ANPEP: variants seen among roughly 807,000 people sequenced by gnomAD.
The protein encoded by ANPEP is alanyl aminopeptidase, membrane.
In ANPEP, 70 loss-of-function variants were observed where a neutral mutation model predicts 114.6. The observed-to-expected ratio is 0.61, with a 90% CI of 0.50 to 0.75. The LOEUF is 0.75. Among genes scored for constraint, ANPEP ranks in the 30% least tolerant of loss-of-function variants. The pLI, the probability that ANPEP is intolerant of heterozygous loss-of-function variation, is 0.00. For synonymous variants in ANPEP, 548 were observed against 522.3 expected (o/e 1.05, Z -0.67); for missense variants, 1,184 against 1,259.5 (o/e 0.94, Z 0.91).
Position 89,805,087 on chromosome 15 carries a change from A to G in ANPEP, c.888T>C (p.Asn296=), listed in dbSNP as rs1894680471. Residue 296 remains asparagine, a synonymous_variant, in exon 4 of 21, where the codon AAT becomes AAC. Transcript: ENST00000300060. The part of the protein sequence containing the change: ...EFDYVEKQAS[N]GVLIRIWARP... ...GGGCCCAGCCTCATACCAAGACACC[A>G]TTGGATGCCTGCTTCTCCACGTAGT... 1 of 1,614,086 alleles carries G rather than the reference A, an allele frequency of 6.2e-7. No homozygotes were observed. The highest frequency in any genetic ancestry group is 1.3e-5 in the African/African-American group (1 of 74,950).
At chr15:89,804,960 A>G (rs946172562) in intron 4 of ANPEP, 118 bp downstream of exon 4, 10 of 1,394,784 alleles carry the variant, frequency 7.2e-6, no homozygotes, top group African/African-American at 1.4e-5. Flanking sequence ...AATCACTCAG[A>G]GGTGGGATTC....
intron 15 of ANPEP, among the ~76,000 whole-genome samples, chr15:89,795,025 T>C (rs1968702388): frequency 6.7e-6 from 1 of 148,600 alleles, no homozygotes; most frequent in Non-Finnish European, 1.5e-5. Context: ...CCCAAAGGGG[T>C]GGCTCAGCCT....
intron 15 of ANPEP, among the ~76,000 whole-genome samples, chr15:89,794,398 C>A (rs11857171): frequency 0.033 from 5,001 of 152,080 alleles, 269 homozygotes; most frequent in African/African-American, 0.11. Context: ...GCAGGAGAAT[C>A]GCTTGAATCT....
Position 89,804,510 on chromosome 15 carries a change from G to C in ANPEP, c.1005C>G (p.Pro335=). 1 of 1,614,240 alleles carries C rather than the reference G, an allele frequency of 6.2e-7. No individual in the cohort carries two copies. The highest frequency in any genetic ancestry group is 1.3e-5 in the African/African-American group (1 of 75,064). Residue 335 remains proline (P), a synonymous_variant, in exon 5 of 21, where the codon CCC becomes CCG. Coordinates refer to ENST00000300060, the MANE Select transcript of ANPEP (RefSeq NM_001150.3). ...LNFFAGHYDT[P]YPLPKSDQIG... is the part of the protein sequence containing the mutation. ...ACTCACCTGATTTTGGGAGTGGGTA[G>C]GGTGTGTCATAATGACCAGCAAAGA... is the stretch of plus-strand genomic sequence containing the variant.
intron 1 of ANPEP, among the ~76,000 whole-genome samples, chr15:89,808,065 T>C (rs1894753635): frequency 6.6e-6 from 1 of 152,116 alleles, no homozygotes. Flanking sequence ...AAAACCTTCC[T>C]TTTGCTTGTA....
intron 5 of ANPEP, 39 bp downstream of exon 5, chr15:89,804,452 C>G (rs773909840): frequency 6.2e-7 from 1 of 1,614,026 alleles, no homozygotes; most frequent in African/African-American, 1.3e-5. Flanking sequence ...GGGAGTGGAG[C>G]TCCATCCACT....
rs564546671 is a variant in ANPEP at position 89,790,612 on chromosome 15, G to A, written c.2670-71C>T. On this transcript the variant is annotated intron_variant, in intron 19 of 20. Transcript: ENST00000300060. ...AGGAGGCTCATCCTCACACCTACTG[G>A]GTAGGGAGCCATGATTATAGAGGAG... 1.7e-5 allele frequency: 23 copies of A among 1,353,284 alleles called. No individual in the cohort carries two copies. The African/African-American group carries it at 3.3e-4, about 19-fold the overall frequency. 83.8% of individuals were successfully genotyped at this position (1,353,284 alleles called of 1,614,324 possible).
chr15:89,792,327 C>G lies in ANPEP; in HGVS notation c.2361G>C (p.Pro787=), dbSNP rs763661673. The G allele has an allele frequency of 1.9e-6, 3 of 1,613,938 alleles. No individual in the cohort carries two copies. The highest frequency in any genetic ancestry group is 1.7e-6 in the Non-Finnish European group (2 of 1,179,956). ...CGGTGGACCGCAGGTTGGGGTGGAT[C>G]CTGGTGTGGGGTAGGGAGGTCAGGT... ...KQWMENPNNN[P]IHPNLRSTVY... is the part of the protein sequence containing the mutation. Residue 787 remains proline (P), a splice_region_variant and synonymous_variant, in exon 18 of 21, where the codon CCG becomes CCC. Transcript: ENST00000300060.
intron 15 of ANPEP, among the ~76,000 whole-genome samples, chr15:89,794,480 T>C (rs941841160): frequency 6.6e-6 from 1 of 151,336 alleles, no homozygotes; most frequent in Non-Finnish European, 1.5e-5. Context: ...TGGGATTCTG[T>C]CTCAAAAATA....
rs1894684607 is a variant in ANPEP at position 89,805,222 on chromosome 15, G to A, written c.758-5C>T. 1 of 1,614,214 alleles carries A rather than the reference G, an allele frequency of 6.2e-7. No individual in the cohort carries two copies. The highest frequency in any genetic ancestry group is 8.5e-7 in the Non-Finnish European group (1 of 1,180,036). The stretch of plus-strand genomic sequence containing the variant: ...CTGGAAGTGGGGTGCTGGGACCTGG[G>A]CAGGGAGCATGTGTGTGTGAGGACG... On this transcript the variant is annotated splice_region_variant and splice_polypyrimidine_tract_variant and intron_variant, in intron 3 of 20. Transcript: ENST00000300060.
rs1567159976 is a variant in ANPEP at position 89,803,168 on chromosome 15, G to GCTGC, written c.1569+67_1569+70dup. ...GCTGGACCCATTCTCTTACGCATGT[G>GCTGC]CTGCCCCCAGGTACCTTCAGCATCT... On this transcript the variant is annotated intron_variant, in intron 10 of 20. Coordinates refer to ENST00000300060, the MANE Select transcript of ANPEP (RefSeq NM_001150.3). This position sits in a 1 kb window ranked among gnomAD's most constrained non-coding sequence, Gnocchi z 4.2. The GCTGC allele has an allele frequency of 6.6e-7, 1 of 1,526,322 alleles. No individual in the cohort carries two copies. The highest frequency in any genetic ancestry group is 1.4e-5 in the African/African-American group (1 of 72,924). The allele number at this position is 1,526,322 out of a possible 1,614,324, so 94.5% of individuals were successfully genotyped here. A position where few individuals can be genotyped will look rare whatever the true frequency, so the allele number is the denominator to read the frequency against.
intron 14 of ANPEP, among the ~76,000 whole-genome samples, chr15:89,797,957 T>C (rs1420661947): frequency 1.3e-5 from 2 of 152,226 alleles, no homozygotes; most frequent in African/African-American, 2.4e-5. Context: ...CCATTGGCAG[T>C]TCCACTCCTT....
chr15:89,802,220 G>T (rs1196420410), intron 10 of ANPEP, among the ~76,000 whole-genome samples: 2 of 152,160 alleles, frequency 1.3e-5, no homozygotes, highest in African/African-American at 2.4e-5. Context: ...CCAGCTGGGG[G>T]CTGCCGGCCG....
chr15:89,800,556 C>CTTTTTTTTT (rs759889538), intron 12 of ANPEP, among the ~76,000 whole-genome samples: 9 of 124,364 alleles, frequency 7.2e-5, no homozygotes, highest in African/African-American at 1.3e-4. Flanking sequence ...GGATTCTCTC[C>CTTTTTTTTT]TTTTTTTTTT....
chr15:89,803,678 CTGATCTGGGCCGGCGTGT>C lies in ANPEP; in HGVS notation c.1388_1405del (p.Asn463_Ile468del). 1 of 1,613,100 alleles carries C rather than the reference CTGATCTGGGCCGGCGTGT, an allele frequency of 6.2e-7. No homozygotes were observed. ...GTAGGAGATGGCGTCAAACAGCTCACTGATCTGGGCCGGCGTGTTGATCTCCGAGGCGGGTGTGGACAG... is the reference window on the plus strand; with the variant it reads ...GTAGGAGATGGCGTCAAACAGCTCACTGATCTCCGAGGCGGGTGTGGACAG... On this transcript the variant is annotated inframe_deletion, in exon 8 of 21. Transcript: ENST00000300060. This position sits in a 1 kb window ranked among gnomAD's most constrained non-coding sequence, Gnocchi z 4.2.
In ANPEP at chr15:89,799,510, G is replaced by A. The variant is rs1208934690; in HGVS notation, c.1869C>T (p.Asn623=). ...CCCGGTAATAGCCCGTCACATTGAGGTTCAGCAGGACCCACTCATTGCCTG... is the reference window on the plus strand; with the variant it reads ...CCCGGTAATAGCCCGTCACATTGAGATTCAGCAGGACCCACTCATTGCCTG... ...STSGNEWVLL[N]LNVTGYYRVN... is the part of the protein sequence containing the mutation. Residue 623 remains asparagine, a synonymous_variant, in exon 13 of 21, where the codon AAC becomes AAT. Transcript: ENST00000300060. The surrounding 1 kb of genome is among the most constrained non-coding windows in gnomAD (Gnocchi z 4.2). The A allele has an allele frequency of 1.2e-6, 2 of 1,614,058 alleles. No individual in the cohort carries two copies. Among genetic ancestry groups the A allele is most frequent in the Admixed American group, 1.7e-5 (1 of 59,998 alleles).
chr15:89,813,086 G>A lies in ANPEP; in HGVS notation c.-224+1686C>T, dbSNP rs112541408. 3.7e-3 allele frequency among the ~76,000 whole-genome samples: 568 copies of A among 152,226 alleles called. 4 individuals are homozygous for A. The highest frequency in any genetic ancestry group is 0.013 in the African/African-American group (525 of 41,546). The stretch of plus-strand genomic sequence containing the variant: ...GTGACAGGCACCCGGGGTGAAGCCC[G>A]GGCTAGGGATAGATGGCTGCCAGCC... On this transcript the variant is annotated intron_variant, in intron 1 of 20. Coordinates refer to ENST00000300060, the MANE Select transcript of ANPEP (RefSeq NM_001150.3).
chr15:89,804,754 C>T (rs1168536338), intron 4 of ANPEP, 137 bp from the exon 5 acceptor site: 31 of 1,282,012 alleles, frequency 2.4e-5, no homozygotes, highest in Non-Finnish European at 1.1e-6. Flanking sequence ...AACCTAGAGG[C>T]CTGGTCAGCA....
At chr15:89,804,848 T>G in intron 4 of ANPEP, 1 of 818,464 alleles carries the variant, frequency 1.2e-6, no homozygotes, top group Non-Finnish European at 1.9e-6. Context: ...CCACCGTCTG[T>G]CTGGTAACCG....
Sources: allele counts gnomAD v4.1 joint callset (sites outside exome capture counted in the v4.1 genomes callset), GRCh38; gene constraint gnomAD v4.1.1; non-coding constraint Gnocchi (gnomAD v3.1); transcripts MANE v1.5; gene names NCBI Gene and HGNC (gene_info 2026-07-23, HGNC 2026-07-21).